Variants in DNAH9 observed in about 807,000 individuals in gnomAD.
The protein encoded by DNAH9 is DNAH9 variant protein.
In DNAH9, 345 loss-of-function variants were observed where a neutral mutation model predicts 471.6. That is an observed-to-expected ratio of 0.73 (90% CI 0.67 to 0.80). The LOEUF (loss-of-function observed/expected upper bound fraction) is 0.80, where lower values mean the gene tolerates loss of function less well. Among genes scored for constraint, DNAH9 ranks in the 30% least tolerant of loss-of-function variants. The probability of loss-of-function intolerance (pLI) is 0.00; values close to 1 mark genes in which losing one functional copy is unlikely to be tolerated. For missense variants in DNAH9, 5,407 were observed against 5,609.2 expected (o/e 0.96, Z 1.15); for synonymous variants, 2,093 against 2,123.6 (o/e 0.99, Z 0.40).
chr17:11,607,938 G>A (rs60882439), intron 1 of DNAH9, among the ~76,000 whole-genome samples, 191 bp from the exon 2 acceptor site: 1 of 152,266 alleles, frequency 6.6e-6, no homozygotes, highest in Non-Finnish European at 1.5e-5. Context: ...TTGTAAGCAG[G>A]CTATTCAAGG....
At chr17:11,786,891 C>T (rs993592936) in intron 41 of DNAH9, among the ~76,000 whole-genome samples, 5 of 152,132 alleles carry the variant, frequency 3.3e-5, no homozygotes, top group African/African-American at 4.8e-5. Flanking sequence ...CCCAGCCAGG[C>T]GTCTTTGCAG....
At chr17:11,617,326 G>T in intron 4 of DNAH9, 85 bp from the exon 5 acceptor site, 1 of 871,804 alleles carries the variant, frequency 1.1e-6, no homozygotes, top group South Asian at 1.7e-5. Context: ...TGTTTTGCAG[G>T]TCTTTTACTT....
At chr17:11,856,535 TA>T (rs1971631811) in intron 50 of DNAH9, among the ~76,000 whole-genome samples, 1 of 51,886 alleles carries the variant, frequency 1.9e-5, no homozygotes, top group Non-Finnish European at 3.7e-5. Context: ...CCGTCTTTAC[TA>T]AAAATACAAA....
intron 32 of DNAH9, among the ~76,000 whole-genome samples, chr17:11,750,798 T>C (rs191050968): frequency 1.9e-4 from 29 of 152,292 alleles, no homozygotes; most frequent in Admixed American, 3.9e-4. Flanking sequence ...AAACTCACTT[T>C]ATTATAAAAG....
In DNAH9 at chr17:11,712,042, ATT is replaced by A. The variant is rs1240841661; in HGVS notation, c.5552+6859_5552+6860del. 3.4e-4 allele frequency among the ~76,000 whole-genome samples: 7 copies of A among 20,512 alleles called. 3 individuals carry two copies. The highest frequency in any genetic ancestry group is 9.6e-4 in the African/African-American group (7 of 7,312). The allele number at this position is 20,512 out of a possible 152,430, so 13.5% of individuals were successfully genotyped here. On this transcript the variant is annotated intron_variant, in intron 26 of 68. Transcript: ENST00000262442. Reference sequence around the variant, plus strand: ...TATATAAATATATATATTTATATATATTTATATATAAATATATATATTTGTAT... The same window carrying A: ...TATATAAATATATATATTTATATATATATATATAAATATATATATTTGTAT...
intron 66 of DNAH9, among the ~76,000 whole-genome samples, chr17:11,939,908 T>C (rs539950007): frequency 6.6e-6 from 1 of 151,554 alleles, no homozygotes; most frequent in East Asian, 1.9e-4. Context: ...GGATGGGTGA[T>C]GGGTAGATGG....
At chr17:11,852,968 T>G (rs1597735480) in intron 49 of DNAH9, among the ~76,000 whole-genome samples, 1 of 149,944 alleles carries the variant, frequency 6.7e-6, no homozygotes, top group East Asian at 2.0e-4. Flanking sequence ...TATCTTATGT[T>G]AATATATAAG....
chr17:11,747,619 AC>A lies in DNAH9; in HGVS notation c.6465del (p.Gly2156AlafsTer6). The A allele has an allele frequency of 1.2e-6, 2 of 1,614,090 alleles. No homozygotes were observed. The highest frequency in any genetic ancestry group is 1.7e-6 in the Non-Finnish European group (2 of 1,180,028). On this transcript the variant is annotated frameshift_variant, in exon 32 of 69. Transcript: ENST00000262442. LOFTEE classifies it high-confidence loss of function. ...HSVFVVGGAG[T>X]GKSQVLRSLH... ...TGTATTTGTGGTGGGTGGCGCTGGT[AC>A]CGGCAAGTCACAGGTGCTGAGGTCC...
intron 55 of DNAH9, 106 bp downstream of exon 55, chr17:11,881,519 G>A (rs1006155059): frequency 2.6e-6 from 3 of 1,147,222 alleles, no homozygotes; most frequent in Non-Finnish European, 3.6e-6. Flanking sequence ...AGTTAGGTGG[G>A]TTCTGCTAGA....
At chr17:11,807,982 C>A in intron 44 of DNAH9, 88 bp downstream of exon 44, 1 of 1,404,680 alleles carries the variant, frequency 7.1e-7, no homozygotes, top group East Asian at 2.4e-5. Flanking sequence ...CTCCAGTTCC[C>A]CTGTCTGGAG....
chr17:11,870,497 G>C (rs4792190), intron 51 of DNAH9, among the ~76,000 whole-genome samples: 140,479 of 152,270 alleles, frequency 0.92, 65,223 homozygotes, highest in Non-Finnish European at 0.95. Flanking sequence ...GAGTCATAGC[G>C]ATCACTGAAT....
chr17:11,769,514 C>G lies in DNAH9; in HGVS notation c.7552+185C>G, dbSNP rs147454437. Among the ~76,000 whole-genome samples the G allele has an allele frequency of 1.8e-4, 28 of 152,322 alleles. 2 individuals are homozygous for G. In the East Asian group the frequency reaches 4.2e-3, roughly 23 times the overall value. On this transcript the variant is annotated intron_variant, in intron 38 of 68. Transcript: ENST00000262442. The stretch of plus-strand genomic sequence containing the variant: ...CCTCTTTCTGGCTCCTCCAGCACCC[C>G]TTAGCACTGCTTCTGGTCTTTCTTT...
chr17:11,706,637 G>A (rs536358947), intron 26 of DNAH9, among the ~76,000 whole-genome samples: 1 of 152,322 alleles, frequency 6.6e-6, no homozygotes, highest in South Asian at 2.1e-4. Flanking sequence ...TTGACCTGGA[G>A]CGTGAAGGAT....
rs770232544 is a variant in DNAH9, at chr17:11,608,233, A to G, written c.522A>G (p.Ser174=). Residue 174 remains serine (S), a synonymous_variant, in exon 2 of 69, where the codon TCA becomes TCG. Coordinates refer to ENST00000262442, the MANE Select transcript of DNAH9 (RefSeq NM_001372.4). The stretch of plus-strand genomic sequence containing the variant: ...CCCACAGCCTCCAATGTGACCTCTC[A>G]GTTATACTTGAGCAAGTGAAGGGAA... ...RHAHSLQCDL[S]VILEQVKGKT... is the part of the protein sequence containing the mutation. The G allele has an allele frequency of 6.2e-7, 1 of 1,614,056 alleles. No individual in the cohort carries two copies. Among genetic ancestry groups the G allele is most frequent in the Non-Finnish European group, 8.5e-7 (1 of 1,179,926 alleles).
At chr17:11,696,346 GGATT>G (rs2074476376) in intron 22 of DNAH9, among the ~76,000 whole-genome samples, 2 of 152,000 alleles carry the variant, frequency 1.3e-5, no homozygotes, top group East Asian at 3.9e-4. Context: ...CATACTCCAT[GGATT>G]GATATACCAC....
At chr17:11,758,512 G>A (rs1967506455) in intron 35 of DNAH9, among the ~76,000 whole-genome samples, 1 of 152,084 alleles carries the variant, frequency 6.6e-6, no homozygotes, top group Non-Finnish European at 1.5e-5. Flanking sequence ...CACAATTTAG[G>A]GTCAGGATTA....
intron 36 of DNAH9, among the ~76,000 whole-genome samples, chr17:11,766,703 G>A (rs933122807): frequency 6.6e-6 from 1 of 152,162 alleles, no homozygotes; most frequent in Admixed American, 6.5e-5. Flanking sequence ...GGTGGCTCAC[G>A]CCTGTAATCC....
chr17:11,798,654 G>A (rs1969344903), intron 43 of DNAH9, among the ~76,000 whole-genome samples: 1 of 151,876 alleles, frequency 6.6e-6, no homozygotes, highest in Non-Finnish European at 1.5e-5. Context: ...CATTGCCAGC[G>A]CTCACTGCCC....
chr17:11,747,177 C>T (rs1166806929), intron 31 of DNAH9, among the ~76,000 whole-genome samples: 2 of 152,214 alleles, frequency 1.3e-5, no homozygotes, highest in African/African-American at 4.8e-5. Context: ...GTTCCCTCCT[C>T]TCTGTTTCCA....
Sources: gnomAD v4.1 joint callset for allele counts (sites outside exome capture counted in the v4.1 genomes callset) on GRCh38, gnomAD v4.1.1 for gene constraint, MANE v1.5 for transcripts, NCBI Gene and HGNC (gene_info 2026-07-23, HGNC 2026-07-21) for gene names.